ANO3: variants seen among roughly 807,000 people sequenced by gnomAD.
ANO3 encodes the protein anoctamin-3.
A neutral mutation model predicts 144.8 loss-of-function variants in ANO3; 99 were observed. The ratio of observed to expected loss-of-function variants is 0.68; its 90% CI spans 0.58 to 0.81. The LOEUF (loss-of-function observed/expected upper bound fraction) is 0.81, where lower values mean the gene tolerates loss of function less well. Ranked by LOEUF, ANO3 falls within the 30% of genes least tolerant of loss-of-function variation. The pLI is 0.00. For synonymous variants in ANO3, 414 were observed against 392.6 expected, an observed-to-expected ratio of 1.05 and a Z score of -0.64; for missense variants, 905 against 1,202.2, an observed-to-expected ratio of 0.75 and a Z score of 3.66.
chr11:26,531,353 T>C lies in ANO3; in HGVS notation c.869+17T>C. 1.3e-6 allele frequency: 2 copies of C among 1,599,120 alleles called. No homozygotes were observed. Among genetic ancestry groups the C allele is most frequent in the Non-Finnish European group, 1.7e-6 (2 of 1,174,544 alleles). On this transcript the variant is annotated intron_variant, in intron 8 of 26. Transcript: ENST00000256737. ...GATTCACCAGTGAGTTCCCCTCTTTTTTCATACTGCCTACCTTTATATCTT... is the reference window on the plus strand; with the variant it reads ...GATTCACCAGTGAGTTCCCCTCTTTCTTCATACTGCCTACCTTTATATCTT...
At chr11:26,306,514 A>G (rs957779779), upstream of ANO3, among the ~76,000 whole-genome samples, 13 of 151,918 alleles carry the variant, frequency 8.6e-5, no homozygotes, top group Non-Finnish European at 1.8e-4. Context: ...AAAATAAAAA[A>G]TTAGCCAGGT....
intron 1 of ANO3, among the ~76,000 whole-genome samples, chr11:26,348,731 C>A (rs1003535727): frequency 3.9e-5 from 6 of 152,162 alleles, no homozygotes; most frequent in Non-Finnish European, 8.8e-5. Flanking sequence ...TTTTACAAGG[C>A]ACTGTGGAAG....
intron 1 of ANO3, among the ~76,000 whole-genome samples, chr11:26,366,165 C>T (rs761967668): frequency 1.3e-5 from 2 of 151,890 alleles, no homozygotes; most frequent in Non-Finnish European, 2.9e-5. Context: ...CCACAACAGG[C>T]TCCGGTGTGT....
intron 4 of ANO3, among the ~76,000 whole-genome samples, chr11:26,499,161 G>A (rs188611661): frequency 3.3e-5 from 5 of 151,750 alleles, no homozygotes; most frequent in South Asian, 2.1e-4. Flanking sequence ...CTTTTCTTAC[G>A]AATTTCGCAG....
At chr11:26,360,474 G>T (rs1855897333) in intron 1 of ANO3, among the ~76,000 whole-genome samples, 1 of 152,118 alleles carries the variant, frequency 6.6e-6, no homozygotes, top group Non-Finnish European at 1.5e-5. Context: ...AGTGAGAAAA[G>T]ACTGAGACTA....
chr11:26,618,163 T>C (rs368993437), intron 17 of ANO3, among the ~76,000 whole-genome samples: 5 of 152,218 alleles, frequency 3.3e-5, no homozygotes, highest in South Asian at 2.1e-4. Flanking sequence ...TCAAATATAA[T>C]CCATGTACAT....
At chr11:26,249,563 AT>A (rs79055145) in intron 1 of ANO3, among the ~76,000 whole-genome samples, 3 of 152,002 alleles carry the variant, frequency 2.0e-5, no homozygotes, top group East Asian at 1.9e-4. Flanking sequence ...TTAACTCATG[AT>A]TTTTTTTAAA....
At chr11:26,485,335 G>T (rs1860401734) in intron 4 of ANO3, among the ~76,000 whole-genome samples, 1 of 151,972 alleles carries the variant, frequency 6.6e-6, no homozygotes, top group Admixed American at 6.6e-5. Context: ...CTGTTTTCAT[G>T]TTAATGAGTA....
At chr11:26,277,321 T>C (rs7938348) in intron 1 of ANO3, among the ~76,000 whole-genome samples, 129 of 152,182 alleles carry the variant, frequency 8.5e-4, no homozygotes, top group African/African-American at 3.0e-3. Context: ...AAGGAAAAGA[T>C]AGAATTGCCC....
intron 4 of ANO3, among the ~76,000 whole-genome samples, chr11:26,464,446 T>C (rs2134059900): frequency 6.6e-6 from 1 of 151,934 alleles, no homozygotes; most frequent in Non-Finnish European, 1.5e-5. Context: ...TAGCACTGAC[T>C]GGAAGACAAA....
intron 1 of ANO3, among the ~76,000 whole-genome samples, chr11:26,229,964 T>C (rs969331252): frequency 6.6e-6 from 1 of 152,208 alleles, no homozygotes; most frequent in Non-Finnish European, 1.5e-5. Context: ...TGATCCTTTA[T>C]TCTTAGCCTC....
chr11:26,571,056 TAA>T (rs1850804839), intron 14 of ANO3, among the ~76,000 whole-genome samples: 1 of 152,118 alleles, frequency 6.6e-6, no homozygotes, highest in Non-Finnish European at 1.5e-5. Flanking sequence ...TTATTCTGGC[TAA>T]AAGACTTAGG....
intron 1 of ANO3, among the ~76,000 whole-genome samples, chr11:26,336,455 TTAA>T (rs1274905232): frequency 2.6e-5 from 4 of 152,322 alleles, no homozygotes; most frequent in South Asian, 2.1e-4. Flanking sequence ...CATAACTCAT[TTAA>T]TAATAAGAAT....
chr11:26,519,106 A>G (rs1323834369), intron 6 of ANO3, among the ~76,000 whole-genome samples: 1 of 152,142 alleles, frequency 6.6e-6, no homozygotes, highest in Non-Finnish European at 1.5e-5. Context: ...TGAATTCATC[A>G]TTGTTTCTAA....
chr11:26,235,039 A>G (rs1289974148), intron 1 of ANO3, among the ~76,000 whole-genome samples: 1 of 151,402 alleles, frequency 6.6e-6, no homozygotes, highest in Non-Finnish European at 1.5e-5. Flanking sequence ...GGGGAGAGCG[A>G]GAGTGAAATT....
intron 1 of ANO3, among the ~76,000 whole-genome samples, chr11:26,421,795 G>A (rs1290004266): frequency 6.6e-6 from 1 of 152,072 alleles, no homozygotes; most frequent in African/African-American, 2.4e-5. Context: ...GTACTTTGCA[G>A]AGAAATGGAT....
At chr11:26,335,716 T>C (rs967209768) in intron 1 of ANO3, among the ~76,000 whole-genome samples, 1 of 152,192 alleles carries the variant, frequency 6.6e-6, no homozygotes, top group Non-Finnish European at 1.5e-5. Flanking sequence ...CAGTCCTCTT[T>C]TGTTGCTGAA....
Position 26,635,457 on chromosome 11 carries a change from T to C in ANO3, c.2043+387T>C, listed in dbSNP as rs535092006. On this transcript the variant is annotated intron_variant, in intron 20 of 26. Transcript: ENST00000256737. ...ACACCAACATGTAATTATATAAAAG[T>C]ACCTGCCTAAGACTCATATTTCTTT... Among the ~76,000 whole-genome samples, 3 of 152,288 alleles carry C rather than the reference T, an allele frequency of 2.0e-5. No individual in the cohort carries two copies. The South Asian group carries it at 6.2e-4, about 32-fold the overall frequency.
At chr11:26,573,696 G>A in intron 14 of ANO3, among the ~76,000 whole-genome samples, 1 of 152,238 alleles carries the variant, frequency 6.6e-6, no homozygotes, top group East Asian at 1.9e-4. Context: ...AATTTCTCAT[G>A]TTGCTTTTTC....
Sources: allele counts gnomAD v4.1 joint callset (sites outside exome capture counted in the v4.1 genomes callset), GRCh38; gene constraint gnomAD v4.1.1; transcripts MANE v1.5; gene names NCBI Gene and HGNC (gene_info 2026-07-23, HGNC 2026-07-21).